UBE3D: variants seen among roughly 807,000 people sequenced by gnomAD.
The protein encoded by UBE3D is E3 ubiquitin-protein ligase E3D.
Under a neutral mutation model 49.6 loss-of-function variants are expected in UBE3D, and 48 were observed. That is an observed-to-expected ratio of 0.97 (90% CI 0.77 to 1.23). UBE3D has a LOEUF of 1.23. Ranked by LOEUF, UBE3D falls within the 50% of genes most tolerant of loss-of-function variation. UBE3D has a pLI of 0.00. For synonymous variants in UBE3D, 189 were observed against 174.2 expected, an observed-to-expected ratio of 1.08 and a Z score of -0.67; for missense variants, 452 against 468.4, an observed-to-expected ratio of 0.96 and a Z score of 0.32.
At chr6:82,997,236 C>T (rs1012117105) in intron 8 of UBE3D, among the ~76,000 whole-genome samples, 2 of 152,002 alleles carry the variant, frequency 1.3e-5, no homozygotes, top group African/African-American at 4.8e-5. Context: ...GTGCAAAGGT[C>T]TTCACTGCAG....
At chr6:82,927,802 G>A (rs1253150658) in intron 9 of UBE3D, among the ~76,000 whole-genome samples, 10 of 150,788 alleles carry the variant, frequency 6.6e-5, no homozygotes, top group Admixed American at 4.0e-4. Flanking sequence ...GACAATCATG[G>A]CATCTCTGAA....
At chr6:83,034,686 A>T (rs143518633) in intron 5 of UBE3D, among the ~76,000 whole-genome samples, 2,679 of 152,218 alleles carry the variant, frequency 0.018, 46 homozygotes, top group Admixed American at 0.058. Context: ...CTTATGAAGA[A>T]GGTGCTTGCT....
downstream of UBE3D, among the ~76,000 whole-genome samples, chr6:82,888,036 C>A (rs1287190964): frequency 1.3e-5 from 2 of 152,112 alleles, no homozygotes; most frequent in African/African-American, 4.8e-5. Context: ...TGGTTCCTTT[C>A]TCTGGTTTCC....
rs73477731 is a variant in UBE3D at position 82,932,922 on chromosome 6, T to C, written c.1149+24390A>G. 8.3e-3 allele frequency among the ~76,000 whole-genome samples: 1,258 copies of C among 152,212 alleles called. 22 individuals are homozygous for C. The highest frequency in any genetic ancestry group is 0.029 in the African/African-American group (1,188 of 41,536). ...ACACAACTTTTCAATTAATAAAACA[T>C]AGCTAAAAGAGAAAAGCAGGGCTCT... is the stretch of plus-strand genomic sequence containing the variant. On this transcript the variant is annotated intron_variant, in intron 9 of 9. Transcript: ENST00000369747.
chr6:83,048,044 T>C (rs1233184714), intron 3 of UBE3D, among the ~76,000 whole-genome samples: 2 of 121,224 alleles, frequency 1.6e-5, no homozygotes, highest in African/African-American at 6.5e-5. Context: ...ATCGCGCCAC[T>C]GCACTCCAGC....
chr6:82,951,924 T>C (rs1432637931), intron 9 of UBE3D, among the ~76,000 whole-genome samples: 2 of 152,154 alleles, frequency 1.3e-5, no homozygotes, highest in Non-Finnish European at 2.9e-5. Context: ...AGAATGTACA[T>C]AAGGGTCTTT....
intron 5 of UBE3D, among the ~76,000 whole-genome samples, chr6:83,025,946 T>C (rs967963010): frequency 7.2e-6 from 1 of 139,214 alleles, no homozygotes; most frequent in African/African-American, 2.7e-5. Flanking sequence ...ATTAAACATA[T>C]AAGAATTTAT....
At chr6:82,957,472 AC>A in intron 8 of UBE3D, 22 bp from the exon 9 acceptor site, 2 of 1,587,306 alleles carry the variant, frequency 1.3e-6, no homozygotes, top group Non-Finnish European at 1.7e-6. Context: ...CAACACATTA[AC>A]TTTCAAAAAT....
intron 8 of UBE3D, among the ~76,000 whole-genome samples, chr6:82,970,856 CAAAAACA>C (rs1777302816): frequency 6.7e-6 from 1 of 149,606 alleles, no homozygotes; most frequent in Non-Finnish European, 1.5e-5. Context: ...AAAACAAAAA[CAAAAACA>C]AAAAACAAAA....
At chr6:82,929,355 T>A (rs1773977555) in intron 9 of UBE3D, among the ~76,000 whole-genome samples, 1 of 152,038 alleles carries the variant, frequency 6.6e-6, no homozygotes, top group South Asian at 2.1e-4. Flanking sequence ...AAAACTGTAA[T>A]TTTTGCTAAG....
chr6:83,022,550 A>G lies in UBE3D; in HGVS notation c.749T>C (p.Val250Ala), dbSNP rs1013525521. ...SFPIIPRSWFVQSVIAQCLVQ... is the reference protein window; with the variant it reads ...SFPIIPRSWFAQSVIAQCLVQ... ...CAGACACTGGGCGATCACGCTCTGG[A>G]CAAACCAAGACCTGTTTGAACAGAA... The change falls in exon 7 of 10, where the codon GTC (valine) becomes GCC (alanine). Residue 250 changes from valine to alanine, a missense_variant. Physicochemically the swap from Val to Ala is moderately conservative, Grantham distance 64. Transcript: ENST00000369747. 2.4e-5 allele frequency: 38 copies of G among 1,587,836 alleles called. No individual in the cohort carries two copies. The highest frequency in any genetic ancestry group is 3.0e-5 in the Non-Finnish European group (35 of 1,171,026).
intron 8 of UBE3D, among the ~76,000 whole-genome samples, chr6:82,958,666 G>A (rs764580998): frequency 6.6e-6 from 1 of 152,200 alleles, no homozygotes; most frequent in Non-Finnish European, 1.5e-5. Flanking sequence ...ATAAGACACT[G>A]GTCCAGTTTT....
chr6:83,058,278 G>A (rs1194803681), intron 1 of UBE3D, among the ~76,000 whole-genome samples: 1 of 152,130 alleles, frequency 6.6e-6, no homozygotes, highest in Non-Finnish European at 1.5e-5. Flanking sequence ...TCTGAGAAGA[G>A]CACTAAAATA....
At chr6:82,977,787 G>GA (rs1777833087) in intron 8 of UBE3D, among the ~76,000 whole-genome samples, 1 of 152,100 alleles carries the variant, frequency 6.6e-6, no homozygotes, top group Admixed American at 6.5e-5. Context: ...ACAGTGAACT[G>GA]AGATTATGCC....
At chr6:83,046,676 G>GGGGGGGGC (rs1554211660) in intron 3 of UBE3D, among the ~76,000 whole-genome samples, 1 of 138,202 alleles carries the variant, frequency 7.2e-6, no homozygotes, top group Non-Finnish European at 1.5e-5. Flanking sequence ...AGTTGGCGGG[G>GGGGGGGGC]GGGGTGGGCG....
intron 8 of UBE3D, among the ~76,000 whole-genome samples, chr6:82,977,282 A>G (rs1041070939): frequency 1.3e-5 from 2 of 152,064 alleles, no homozygotes; most frequent in African/African-American, 4.8e-5. Flanking sequence ...CTATTTGTCT[A>G]ATTTTTCTGT....
At chr6:82,919,115 G>A (rs1773133065) in intron 9 of UBE3D, among the ~76,000 whole-genome samples, 1 of 151,922 alleles carries the variant, frequency 6.6e-6, no homozygotes, top group African/African-American at 2.4e-5. Flanking sequence ...GTTTAGAAAG[G>A]GCAAAAAGAC....
chr6:82,980,121 T>C (rs973753840), intron 8 of UBE3D, among the ~76,000 whole-genome samples: 1 of 152,180 alleles, frequency 6.6e-6, no homozygotes, highest in African/African-American at 2.4e-5. Context: ...AGTAGTGGGA[T>C]TGCTAGATTG....
chr6:83,054,339 GT>G, intron 2 of UBE3D, 101 bp from the exon 3 acceptor site: 1 of 841,220 alleles, frequency 1.2e-6, no homozygotes, highest in Non-Finnish European at 2.0e-6. Flanking sequence ...TCCATAAACA[GT>G]TTATGATCCA....
Sources: gnomAD v4.1 joint callset for allele counts (sites outside exome capture counted in the v4.1 genomes callset) on GRCh38, gnomAD v4.1.1 for gene constraint, MANE v1.5 for transcripts, NCBI Gene and HGNC (gene_info 2026-07-23, HGNC 2026-07-21) for gene names.